The following HDAC9 variants were observed in gnomAD, a reference collection of about 807,000 sequenced individuals.
HDAC9 encodes the protein histone deacetylase 9, also known as MEF-2 interacting transcription repressor (MITR) protein.
HDAC9 carries 41 observed loss-of-function variants against 139.4 expected under a neutral mutation model. That is an observed-to-expected ratio of 0.29 (90% confidence interval 0.23 to 0.38). The LOEUF is 0.38. Among genes scored for constraint, HDAC9 ranks in the 10% least tolerant of loss-of-function variants. The probability of loss-of-function intolerance (pLI) is 1.00; values close to 1 mark genes in which losing one functional copy is unlikely to be tolerated. For synonymous variants in HDAC9, 517 were observed against 476.2 expected, an observed-to-expected ratio of 1.09 and a Z score of -1.12; for missense variants, 1,147 against 1,297.0, an observed-to-expected ratio of 0.88 and a Z score of 1.78.
intron 1 of HDAC9, among the ~76,000 whole-genome samples, chr7:18,429,896 G>C (rs1486162705): frequency 2.0e-5 from 3 of 152,064 alleles, no homozygotes; most frequent in African/African-American, 7.2e-5. Flanking sequence ...ATTCATTTCA[G>C]TTACATTCAA....
At chr7:18,148,412 T>A (rs1465627684) in intron 1 of HDAC9, among the ~76,000 whole-genome samples, 1 of 152,180 alleles carries the variant, frequency 6.6e-6, no homozygotes. Flanking sequence ...CATAGGCACA[T>A]CTCCACTTCT....
chr7:18,671,745 C>G (rs891184672), intron 12 of HDAC9, among the ~76,000 whole-genome samples: 3 of 151,918 alleles, frequency 2.0e-5, no homozygotes, highest in African/African-American at 7.2e-5. Context: ...CGTTCTTGCC[C>G]CTGACAACCA....
At chr7:18,314,338 G>A (rs750689822) in intron 1 of HDAC9, among the ~76,000 whole-genome samples, 1 of 152,204 alleles carries the variant, frequency 6.6e-6, no homozygotes, top group Non-Finnish European at 1.5e-5. Context: ...TATAAAACAG[G>A]ATGGTGTTTC....
intron 1 of HDAC9, among the ~76,000 whole-genome samples, chr7:18,483,983 A>G (rs1795780815): frequency 2.0e-5 from 3 of 152,112 alleles, no homozygotes; most frequent in African/African-American, 2.4e-5. Flanking sequence ...AGATGTTACA[A>G]TAATTCATGA....
chr7:18,445,195 T>C (rs557128602), intron 1 of HDAC9, among the ~76,000 whole-genome samples: 1 of 152,314 alleles, frequency 6.6e-6, no homozygotes, highest in African/African-American at 2.4e-5. Flanking sequence ...GATTACCTAC[T>C]TAATCAACTG....
intron 1 of HDAC9, among the ~76,000 whole-genome samples, chr7:18,314,445 A>G (rs1799510011): frequency 6.6e-6 from 1 of 152,224 alleles, no homozygotes; most frequent in African/African-American, 2.4e-5. Flanking sequence ...CCTGCTATTA[A>G]TAGTTACGTT....
intron 8 of HDAC9, among the ~76,000 whole-genome samples, chr7:18,636,239 C>G (rs1307811821): frequency 3.9e-5 from 6 of 152,082 alleles, no homozygotes; most frequent in Non-Finnish European, 5.9e-5. Context: ...AGGCCTGTAT[C>G]TATGTTACAT....
At chr7:18,538,673 G>A (rs947208446) in intron 2 of HDAC9, among the ~76,000 whole-genome samples, 4 of 152,150 alleles carry the variant, frequency 2.6e-5, no homozygotes, top group Non-Finnish European at 5.9e-5. Context: ...AATTATGCTT[G>A]CAATAGCATA....
intron 1 of HDAC9, among the ~76,000 whole-genome samples, chr7:18,410,054 G>T (rs566707720): frequency 4.6e-5 from 7 of 151,830 alleles, no homozygotes; most frequent in African/African-American, 1.7e-4. Context: ...GTTTCTCTTA[G>T]TATCATCATA....
At chr7:18,304,789 A>C (rs1008827509) in intron 1 of HDAC9, among the ~76,000 whole-genome samples, 5 of 152,178 alleles carry the variant, frequency 3.3e-5, no homozygotes, top group African/African-American at 1.2e-4. Context: ...AGACTTAAGA[A>C]TATGTCTTGT....
intron 1 of HDAC9, among the ~76,000 whole-genome samples, chr7:18,122,829 G>A (rs1784436007): frequency 6.6e-6 from 1 of 152,138 alleles, no homozygotes; most frequent in South Asian, 2.1e-4. Flanking sequence ...ATGTTGGCCA[G>A]TCTGGCCTTG....
intron 25 of HDAC9, among the ~76,000 whole-genome samples, chr7:18,983,584 T>A (rs1399383448): frequency 6.6e-6 from 1 of 152,192 alleles, no homozygotes; most frequent in Non-Finnish European, 1.5e-5. Context: ...CTCAGTTTTT[T>A]TGGATAGATA....
rs1045902093 is a variant in HDAC9 at position 18,935,909 on chromosome 7, A to G, written c.2904A>G (p.Ser968=). 1 of 1,613,716 alleles carries G rather than the reference A, an allele frequency of 6.2e-7. No individual in the cohort carries two copies. Among genetic ancestry groups the G allele is most frequent in the Non-Finnish European group, 8.5e-7 (1 of 1,179,758 alleles). ...GHDLTAICDA[S]EACVNALLGN... is the part of the protein sequence containing the mutation. ...ATCTCACAGCCATCTGTGATGCATC[A>G]GAAGCCTGTGTAAATGCCCTTCTAG... Residue 968 remains serine, a synonymous_variant, in exon 23 of 26, where the codon TCA becomes TCG. Transcript: ENST00000686413.
intron 24 of HDAC9, among the ~76,000 whole-genome samples, chr7:18,959,716 G>C (rs1783396666): frequency 6.6e-6 from 1 of 152,172 alleles, no homozygotes; most frequent in South Asian, 2.1e-4. Flanking sequence ...TGACAACAAA[G>C]TGGCAAATAG....
chr7:18,180,256 CACACA>C (rs1451821404), intron 2 of HDAC9, among the ~76,000 whole-genome samples: 1 of 150,956 alleles, frequency 6.6e-6, no homozygotes, highest in Non-Finnish European at 1.5e-5. Flanking sequence ...CACACACACA[CACACA>C]CACACACACA....
At chr7:18,513,100 G>T (rs369423359) in intron 2 of HDAC9, among the ~76,000 whole-genome samples, 2 of 152,308 alleles carry the variant, frequency 1.3e-5, no homozygotes, top group East Asian at 3.9e-4. Flanking sequence ...AAATGATTTT[G>T]TACTCAAATA....
intron 2 of HDAC9, among the ~76,000 whole-genome samples, chr7:18,207,539 C>CTTTGTTTTTTTTTTTTTT (rs1791615710): frequency 3.7e-5 from 2 of 53,726 alleles, no homozygotes; most frequent in Non-Finnish European, 3.1e-5. Flanking sequence ...CCCAAGGAGT[C>CTTTGTTTTTTTTTTTTTT]TTTTTTTTTT....
At chr7:18,956,639 A>C (rs1021211175) in intron 24 of HDAC9, among the ~76,000 whole-genome samples, 1 of 152,012 alleles carries the variant, frequency 6.6e-6, no homozygotes, top group African/African-American at 2.4e-5. Context: ...GAAACAATGC[A>C]CTCTTCACAT....
exon 1 of HDAC9, chr7:18,086,992 C>A (rs1290715245): frequency 6.6e-6 from 1 of 150,412 alleles, no homozygotes; most frequent in African/African-American, 2.4e-5. Context: ...CCGCTCTCGC[C>A]GCTTTCGCCG....
Sources: gnomAD v4.1 joint callset for allele counts (sites outside exome capture counted in the v4.1 genomes callset) on GRCh38, gnomAD v4.1.1 for gene constraint, MANE v1.5 for transcripts, NCBI Gene and HGNC (gene_info 2026-07-23, HGNC 2026-07-21) for gene names.